TBCCD1: variants seen among roughly 807,000 people sequenced by gnomAD.
TBCCD1 encodes TBCC domain containing 1.
A neutral mutation model predicts 53.4 loss-of-function variants in TBCCD1; 26 were observed. That is an observed-to-expected ratio of 0.49 (90% CI 0.36 to 0.68). The LOEUF is 0.68. Ranked by LOEUF, TBCCD1 falls within the 30% of genes least tolerant of loss-of-function variation. The pLI, the probability that TBCCD1 is intolerant of heterozygous loss-of-function variation, is 0.00. For missense variants in TBCCD1, 558 were observed against 669.5 expected (o/e 0.83, Z 1.84); for synonymous variants, 245 against 241.7 (o/e 1.01, Z -0.13).
intron 1 of TBCCD1, 97 bp from the exon 2 acceptor site, chr3:186,564,469 G>T: frequency 1.4e-6 from 1 of 727,400 alleles, no homozygotes; most frequent in Non-Finnish European, 2.1e-6. Context: ...TGTGTCATAT[G>T]TACTACATCA....
At chr3:186,565,831 T>G (rs1400696817) in intron 1 of TBCCD1, among the ~76,000 whole-genome samples, 1 of 152,262 alleles carries the variant, frequency 6.6e-6, no homozygotes, top group African/African-American at 2.4e-5. Context: ...CTAAAGCTTG[T>G]GAAATATATC....
chr3:186,551,712 C>A (rs901855665), intron 6 of TBCCD1, among the ~76,000 whole-genome samples: 1 of 152,192 alleles, frequency 6.6e-6, no homozygotes. Flanking sequence ...TGGTGACTAA[C>A]GCCTGTAATC....
At chr3:186,550,241 A>C (rs981684438) in intron 7 of TBCCD1, among the ~76,000 whole-genome samples, 2 of 151,792 alleles carry the variant, frequency 1.3e-5, no homozygotes, top group African/African-American at 4.8e-5. Flanking sequence ...AAAAAAAAAA[A>C]AAAAAACTTT....
chr3:186,555,949 G>A (rs982240787), intron 4 of TBCCD1, among the ~76,000 whole-genome samples: 9 of 151,870 alleles, frequency 5.9e-5, no homozygotes, highest in African/African-American at 1.5e-4. Context: ...AAAAATACGC[G>A]CAGGTTCTCC....
At chr3:186,558,388 A>T in intron 3 of TBCCD1, 29 bp downstream of exon 3, 1 of 1,599,774 alleles carries the variant, frequency 6.3e-7, no homozygotes, top group Non-Finnish European at 8.5e-7. Flanking sequence ...TGTCCCTTTT[A>T]GAGAATGAGA....
intron 6 of TBCCD1, among the ~76,000 whole-genome samples, chr3:186,551,574 T>C (rs1033351741): frequency 1.8e-4 from 28 of 152,226 alleles, no homozygotes; most frequent in African/African-American, 5.8e-4. Context: ...AAGGCCCCTG[T>C]TGAAGCAGGA....
chr3:186,564,425 A>AT (rs942118581), intron 1 of TBCCD1, 53 bp from the exon 2 acceptor site: 11 of 1,269,530 alleles, frequency 8.7e-6, no homozygotes, highest in Middle Eastern at 2.2e-4. Flanking sequence ...TCATTTATGC[A>AT]TTTTTTCTTG....
At chr3:186,547,019 T>C (rs1224989319) in intron 7 of TBCCD1, 64 bp from the exon 8 acceptor site, 1 of 152,108 alleles carries the variant, frequency 6.6e-6, no homozygotes, top group African/African-American at 2.4e-5. Context: ...TAAATAATTT[T>C]AAAACTCTAC....
At chr3:186,553,820 G>A (rs1033741574) in intron 6 of TBCCD1, among the ~76,000 whole-genome samples, 1 of 151,868 alleles carries the variant, frequency 6.6e-6, no homozygotes, top group Non-Finnish European at 1.5e-5. Context: ...ATACTAATTT[G>A]AAATCCAAAC....
At chr3:186,548,779 T>C (rs973028334) in intron 7 of TBCCD1, among the ~76,000 whole-genome samples, 13 of 152,108 alleles carry the variant, frequency 8.5e-5, no homozygotes, top group African/African-American at 3.1e-4. Context: ...ATTGAAGAGA[T>C]CTAATGTACA....
chr3:186,570,108 A>T (rs898319849), upstream of TBCCD1: 15 of 701,354 alleles, frequency 2.1e-5, no homozygotes, highest in Admixed American at 4.0e-5. Flanking sequence ...GGGTCTCACC[A>T]CTAAGAAGCG....
intron 4 of TBCCD1, among the ~76,000 whole-genome samples, chr3:186,556,093 A>G (rs549911105): frequency 1.3e-5 from 2 of 152,250 alleles, no homozygotes; most frequent in South Asian, 2.1e-4. Flanking sequence ...CTTCTTTTAA[A>G]ACATTTCTTG....
At chr3:186,570,208 A>G (rs1417917684), upstream of TBCCD1, 9 of 681,536 alleles carry the variant, frequency 1.3e-5, no homozygotes, top group Non-Finnish European at 2.4e-5. Flanking sequence ...AGAACGTAAA[A>G]TAAGAGGCCT....
rs1177451004 is a variant in TBCCD1, at chr3:186,558,470, T to C, written c.439A>G (p.Arg147Gly). 3 of 1,614,086 alleles carry C rather than the reference T, an allele frequency of 1.9e-6. No individual in the cohort carries two copies. The highest frequency in any genetic ancestry group is 1.6e-4 in the Middle Eastern group (1 of 6,082). ...AGGTCAGGAGACTGAGATTTGTTTC[T>C]GGGACTGGGCCACTCTTCGCCAATC... ...SLIGEEWPSP[R>G]NKSQSPDLTE... is the part of the protein sequence containing the mutation. The change falls in exon 3 of 8, where the codon AGA (arginine) becomes GGA (glycine). Residue 147 changes from arginine to glycine, a missense_variant. Physicochemically the swap from Arg to Gly is moderately radical, Grantham distance 125. Coordinates refer to ENST00000338733, the MANE Select transcript of TBCCD1 (RefSeq NM_018138.5).
rs769408522 is a variant in TBCCD1 at position 186,564,226 on chromosome 3, T to C, written c.104A>G (p.Lys35Arg). Residue 35 changes from lysine to arginine, a missense_variant, in exon 2 of 8, where the codon AAG (lysine) becomes AGG (arginine). Lys to Arg is a conservative substitution (Grantham distance 26, BLOSUM62 2). Coordinates refer to ENST00000338733, the MANE Select transcript of TBCCD1 (RefSeq NM_018138.5). The part of the protein sequence containing the change: ...PSKFSLHYLR[K>R]ISTYVQIRAT... The stretch of plus-strand genomic sequence containing the variant: ...CCGGATTTGCACATAGGTGGATATC[T>C]TCCTGAGATAGTGAAGACTAAACTT... The C allele has an allele frequency of 4.3e-6, 7 of 1,614,064 alleles. No individual in the cohort carries two copies. Among genetic ancestry groups the C allele is most frequent in the Non-Finnish European group, 5.9e-6 (7 of 1,180,030 alleles).
In TBCCD1 at chr3:186,558,722, T is replaced by C. The variant is rs77481011; in HGVS notation, c.337-150A>G. 265 of 756,022 alleles carry C rather than the reference T, an allele frequency of 3.5e-4. No homozygotes were observed. In the African/African-American group the frequency reaches 4.3e-3, roughly 12 times the overall value. 46.8% of individuals were successfully genotyped at this position (756,022 alleles called of 1,614,324 possible). On this transcript the variant is annotated intron_variant, in intron 2 of 7. Coordinates refer to ENST00000338733, the MANE Select transcript of TBCCD1 (RefSeq NM_018138.5). ...CCAGTTTTGATATGTATGTCTCTGG[T>C]ACCCAGATGTAAGAGTTTCTTTTTC... is the stretch of plus-strand genomic sequence containing the variant.
chr3:186,570,463 C>T (rs1301396462), upstream of TBCCD1: 1 of 481,414 alleles, frequency 2.1e-6, no homozygotes, highest in African/African-American at 2.0e-5. Context: ...CTCTGACCGG[C>T]CCCCTATCAT....
intron 2 of TBCCD1, among the ~76,000 whole-genome samples, chr3:186,558,931 G>A (rs1322073687): frequency 2.0e-5 from 3 of 152,150 alleles, no homozygotes; most frequent in Non-Finnish European, 2.9e-5. Context: ...TTTTAGTAGA[G>A]ATAGGGTTTC....
rs375798606 is a variant in TBCCD1 at position 186,546,935 on chromosome 3, T to C, written c.*42A>G. ...TTCAAGATGAGCACCATCCTCCATT[T>C]ATCCTTGTATTTCCAGGGCCCTGAA... On this transcript the variant is annotated 3_prime_UTR_variant, in exon 8 of 8. Transcript: ENST00000338733. 7 of 152,148 alleles carry C rather than the reference T, an allele frequency of 4.6e-5. No homozygotes were observed. Among genetic ancestry groups the C allele is most frequent in the East Asian group, 3.9e-4 (2 of 5,178 alleles). 9.4% of individuals were successfully genotyped at this position (152,148 alleles called of 1,614,324 possible). A position where few individuals can be genotyped will look rare whatever the true frequency, so the allele number is the denominator to read the frequency against.
Sources: allele counts gnomAD v4.1 joint callset (sites outside exome capture counted in the v4.1 genomes callset), GRCh38; gene constraint gnomAD v4.1.1; transcripts MANE v1.5; gene names NCBI Gene and HGNC (gene_info 2026-07-23, HGNC 2026-07-21).